The following RAPGEF3 variants were observed in gnomAD, a reference collection of about 807,000 sequenced individuals.
The protein encoded by RAPGEF3 is Rap guanine nucleotide exchange factor 3, also known as 9330170P05Rik.
Under a neutral mutation model 129.8 loss-of-function variants are expected in RAPGEF3, and 103 were observed. That is an observed-to-expected ratio of 0.79 (90% confidence interval 0.68 to 0.93). The LOEUF is 0.93. Ranked by LOEUF, RAPGEF3 falls within the 40% of genes least tolerant of loss-of-function variation. The pLI is 0.00. For missense variants in RAPGEF3, 1,117 were observed against 1,207.4 expected, an observed-to-expected ratio of 0.93 and a Z score of 1.11; for synonymous variants, 436 against 482.6, an observed-to-expected ratio of 0.90 and a Z score of 1.26.
At position 47,748,141 on chromosome 12, in the gene RAPGEF3, T is replaced by C. The variant is rs1401046973; in HGVS notation, c.1255A>G (p.Ser419Gly). ...ACCCTGTGGGTCAGGAGGAAGTCGC[T>C]GAGGAATGTCTCTGTATGACAGGGT... ...SAHDPTETFL[S>G]DFLLTHRVFM... Residue 419 changes from serine to glycine, a missense_variant, in exon 13 of 28, where the codon AGC (serine) becomes GGC (glycine). Around this residue, in one of 3 missense-constraint regions of RAPGEF3, gnomAD observed 643 missense variants for 673.4 expected, o/e 0.95. Coordinates refer to ENST00000449771, the MANE Select transcript of RAPGEF3 (RefSeq NM_001098531.4). 1.2e-5 allele frequency: 19 copies of C among 1,582,264 alleles called. No homozygotes were observed. The highest frequency in any genetic ancestry group is 1.6e-5 in the Non-Finnish European group (19 of 1,163,800).
intron 18 of RAPGEF3, chr12:47,742,393 C>T (rs1186290086): frequency 6.6e-6 from 1 of 152,294 alleles, no homozygotes; most frequent in African/African-American, 2.4e-5. Flanking sequence ...AACTGCAACT[C>T]ACCAGGTGGC....
At chr12:47,743,449 G>T in intron 18 of RAPGEF3, 81 bp downstream of exon 18, 1 of 1,494,202 alleles carries the variant, frequency 6.7e-7, no homozygotes, top group Non-Finnish European at 9.1e-7. Context: ...TGACAATGAT[G>T]ACAATGATCT....
chr12:47,737,803 C>T (rs1022982366), intron 27 of RAPGEF3, 118 bp from the exon 28 acceptor site: 2 of 1,139,148 alleles, frequency 1.8e-6, no homozygotes, highest in Non-Finnish European at 2.6e-6. Context: ...CAACCACTTC[C>T]CATCACCAAT....
chr12:47,758,570 C>T lies in RAPGEF3; in HGVS notation c.-14G>A. ...ACCCACCTTCATGTTTCTTTTCAAG[C>T]TCGCACAGCCGTGCAGGCTCTAGCA... On this transcript the variant is annotated 5_prime_UTR_variant, in exon 1 of 28. Transcript: ENST00000449771. The T allele has an allele frequency of 3.7e-6, 6 of 1,613,996 alleles. No individual in the cohort carries two copies. Among genetic ancestry groups the T allele is most frequent in the Non-Finnish European group, 5.1e-6 (6 of 1,179,934 alleles).
chr12:47,749,315 C>CTGGTCTT lies in RAPGEF3; in HGVS notation c.1041+74_1041+75insAAGACCA, dbSNP rs1565761037. 6.3e-7 allele frequency: 1 copy of CTGGTCTT among 1,583,264 alleles called. No homozygotes were observed. Among genetic ancestry groups the CTGGTCTT allele is most frequent in the Non-Finnish European group, 8.6e-7 (1 of 1,162,902 alleles). On this transcript the variant is annotated intron_variant, in intron 10 of 27. Transcript: ENST00000449771. The surrounding 1 kb of genome is among the most constrained non-coding windows in gnomAD (Gnocchi z 4.5). The stretch of plus-strand genomic sequence containing the variant: ...CCCTGCTTCTTACAGGCCCTCTGCT[C>CTGGTCTT]TGGTCCCTACTCCTCTCTCCACATC...
rs1180086405 is a variant in RAPGEF3, at chr12:47,738,110, G to T, written c.2582-17C>A. The T allele has an allele frequency of 6.2e-7, 1 of 1,614,048 alleles. No individual in the cohort carries two copies. On this transcript the variant is annotated splice_polypyrimidine_tract_variant and intron_variant, in intron 26 of 27. Transcript: ENST00000449771. ...AGAGAGGCACTGCGGGGGTGGGGAGGGGTCATGGAGTCAGGGCCACCCTGG... is the reference window on the plus strand; with the variant it reads ...AGAGAGGCACTGCGGGGGTGGGGAGTGGTCATGGAGTCAGGGCCACCCTGG...
At chr12:47,754,454 T>C (rs1194595875) in intron 2 of RAPGEF3, among the ~76,000 whole-genome samples, 1 of 152,226 alleles carries the variant, frequency 6.6e-6, no homozygotes, top group Non-Finnish European at 1.5e-5. Flanking sequence ...TGGTCAAGTG[T>C]GTAGGCTCTG....
In RAPGEF3 at chr12:47,737,358, G is replaced by A. The variant is rs1424347810; in HGVS notation, c.*209C>T. ...TCCCTTCCTTGGCCTTGGGTCATTC[G>A]TTATTCCTGGCTCGGGTCCACTCCG... On this transcript the variant is annotated 3_prime_UTR_variant, in exon 28 of 28. Coordinates refer to ENST00000449771, the MANE Select transcript of RAPGEF3 (RefSeq NM_001098531.4). The A allele has an allele frequency of 6.9e-6, 4 of 578,116 alleles. No individual in the cohort carries two copies. The highest frequency in any genetic ancestry group is 3.8e-5 in the African/African-American group (2 of 53,222). 35.8% of individuals were successfully genotyped at this position (578,116 alleles called of 1,614,324 possible). A position where few individuals can be genotyped will look rare whatever the true frequency, so the allele number is the denominator to read the frequency against.
At position 47,737,254 on chromosome 12, in the gene RAPGEF3, T is replaced by C. The variant is rs1030211967; in HGVS notation, c.*313A>G. On this transcript the variant is annotated 3_prime_UTR_variant, in exon 28 of 28. Transcript: ENST00000449771. ...CCAGAGGCACAGAATCTGGAAGACA[T>C]CTGGTGTGGAGACCTCTCTATTGCA... 2.9e-6 allele frequency: 1 copy of C among 341,970 alleles called. No individual in the cohort carries two copies. Among genetic ancestry groups the C allele is most frequent in the Non-Finnish European group, 5.5e-6 (1 of 183,302 alleles). The allele number at this position is 341,970 out of a possible 1,614,324, so 21.2% of individuals were successfully genotyped here.
In RAPGEF3 at chr12:47,738,261, C is replaced by A; in HGVS notation, c.2527-14G>T. On this transcript the variant is annotated splice_polypyrimidine_tract_variant and intron_variant, in intron 25 of 27. Transcript: ENST00000449771. Reference sequence around the variant, plus strand: ...GGCCATCATTCTCTGCGGACAACACCGGGGCATAAGCTCTTGCCTGAGGGA... The same window carrying A: ...GGCCATCATTCTCTGCGGACAACACAGGGGCATAAGCTCTTGCCTGAGGGA... The A allele has an allele frequency of 6.2e-7, 1 of 1,612,814 alleles. No individual in the cohort carries two copies. The highest frequency in any genetic ancestry group is 8.5e-7 in the Non-Finnish European group (1 of 1,179,876).
At chr12:47,748,581 C>T (rs1278831050) in intron 11 of RAPGEF3, 39 bp from the exon 12 acceptor site, 2 of 1,484,250 alleles carry the variant, frequency 1.3e-6, no homozygotes, top group Non-Finnish European at 1.9e-6. Context: ...GGTGCCACTA[C>T]TCCCCACTCC....
intron 21 of RAPGEF3, 36 bp from the exon 22 acceptor site, chr12:47,740,431 G>T (rs10875687): frequency 7.5e-6 from 12 of 1,599,224 alleles, no homozygotes; most frequent in East Asian, 2.2e-5. Flanking sequence ...TCAGGGTAAG[G>T]GAAGCAGCCA....
chr12:47,741,083 G>T, intron 19 of RAPGEF3, 43 bp from the exon 20 acceptor site: 2 of 1,601,068 alleles, frequency 1.2e-6, no homozygotes, highest in South Asian at 1.1e-5. Context: ...GAGGAATCCA[G>T]GGAAAGGCAC....
At chr12:47,752,933 G>C (rs1030500863) in intron 2 of RAPGEF3, 13 of 152,258 alleles carry the variant, frequency 8.5e-5, no homozygotes, top group Admixed American at 2.6e-4. Context: ...TGGAACTCCC[G>C]GGCCTGTACG....
rs144079130 is a variant in RAPGEF3, at chr12:47,751,201, G to T, written c.518C>A (p.Ala173Asp). The part of the protein sequence containing the change: ...GALCHVKHDW[A>D]FQDRDAQFYR... ...GAATTGGGCATCTCGGTCCTGGAAG[G>T]CCCAGTCGTGTTTCACTGGGGGGCA... The change falls in exon 6 of 28, where the codon GCC becomes GAC. Residue 173 changes from alanine to aspartate, a missense_variant. This residue lies in a region of RAPGEF3 where 367 missense variants were observed against 373.4 expected (regional missense o/e 0.98). Transcript: ENST00000449771. The T allele has an allele frequency of 2.4e-4, 373 of 1,551,088 alleles. No homozygotes were observed. In the African/African-American group the frequency reaches 4.5e-3, roughly 19 times the overall value.
At chr12:47,740,007 G>T in intron 23 of RAPGEF3, 134 bp downstream of exon 23, 1 of 1,132,470 alleles carries the variant, frequency 8.8e-7, no homozygotes, top group Non-Finnish European at 1.3e-6. Flanking sequence ...GCCCTGGGCC[G>T]AGGTTGGGAA....
rs1941509841 is a variant in RAPGEF3 at position 47,747,821 on chromosome 12, C to T, written c.1364G>A (p.Ser455Asn). 2 of 1,605,582 alleles carry T rather than the reference C, an allele frequency of 1.2e-6. No individual in the cohort carries two copies. The highest frequency in any genetic ancestry group is 2.2e-5 in the East Asian group (1 of 44,894). ...EPAGGSEQER[S>N]TYVCNKRQQI... is the part of the protein sequence containing the mutation. ...CTGCCTCTTGTTGCAGACGTAGGTG[C>T]TGCGCTCCTGCTCGCTGCCACCCGC... Residue 455 changes from serine (S) to asparagine (N), a missense_variant, in exon 14 of 28, where the codon AGC (serine) becomes AAC (asparagine). Ser to Asn is a conservative substitution (Grantham distance 46). Around this residue, in one of 3 missense-constraint regions of RAPGEF3, gnomAD observed 643 missense variants for 673.4 expected, o/e 0.95. Transcript: ENST00000449771.
Position 47,749,016 on chromosome 12 carries a change from A to G in RAPGEF3, c.1042-85T>C. The G allele has an allele frequency of 2.5e-6, 3 of 1,193,266 alleles. No individual in the cohort carries two copies. In the East Asian group the frequency reaches 7.0e-5, roughly 28 times the overall value. 73.9% of individuals were successfully genotyped at this position (1,193,266 alleles called of 1,614,324 possible). A position where few individuals can be genotyped will look rare whatever the true frequency, so the allele number is the denominator to read the frequency against. ...TCTACCTCCTTCATTCCAGCCCCTG[A>G]GCCCCATGAGGGTCCCACAGGGACC... On this transcript the variant is annotated intron_variant, in intron 10 of 27. Transcript: ENST00000449771. The surrounding 1 kb of genome is among the most constrained non-coding windows in gnomAD (Gnocchi z 4.5).
At chr12:47,754,837 C>T (rs147663353) in intron 2 of RAPGEF3, among the ~76,000 whole-genome samples, 6 of 152,328 alleles carry the variant, frequency 3.9e-5, no homozygotes, top group African/African-American at 1.4e-4. Flanking sequence ...CACCCACTCC[C>T]CACTCTCATT....
Sources: gnomAD v4.1 joint callset for allele counts (sites outside exome capture counted in the v4.1 genomes callset) on GRCh38, gnomAD v4.1.1 for gene constraint, gnomAD v4.1.1 regional missense constraint, Gnocchi (gnomAD v3.1) non-coding constraint, MANE v1.5 for transcripts, NCBI Gene and HGNC (gene_info 2026-07-23, HGNC 2026-07-21) for gene names.